SLC38A6: variants seen among roughly 807,000 people sequenced by gnomAD.
SLC38A6 encodes solute carrier family 38 member 6, also known as N system amino acid transporter NAT-1.
Under a neutral mutation model 65.0 loss-of-function variants are expected in SLC38A6, and 73 were observed. The ratio of observed to expected loss-of-function variants is 1.12; its 90% CI spans 0.93 to 1.37. The LOEUF (loss-of-function observed/expected upper bound fraction) is 1.37. SLC38A6 is among the 40% of genes most tolerant of loss of function. The pLI is 0.00. For synonymous variants in SLC38A6, 183 were observed against 178.8 expected, an observed-to-expected ratio of 1.02 and a Z score of -0.19; for missense variants, 561 against 531.1, an observed-to-expected ratio of 1.06 and a Z score of -0.55.
In SLC38A6 at chr14:61,009,301, T is replaced by C. The variant is rs376009797; in HGVS notation, c.311-6603T>C. ...GTCAGATAGCTAGAGGGTCATAAAT[T>C]AGTGACCAAAATTACATCAATCTGC... On this transcript the variant is annotated intron_variant, in intron 3 of 15. Transcript: ENST00000267488. 4.6e-5 allele frequency among the ~76,000 whole-genome samples: 7 copies of C among 152,254 alleles called. 1 individual carries two copies. The highest frequency in any genetic ancestry group is 1.7e-4 in the African/African-American group (7 of 41,542).
intron 15 of SLC38A6, among the ~76,000 whole-genome samples, chr14:61,067,703 A>G (rs1566728633): frequency 1.3e-5 from 2 of 151,698 alleles, no homozygotes; most frequent in African/African-American, 2.4e-5. Context: ...ATATACATGC[A>G]CACACACACA....
intron 3 of SLC38A6, among the ~76,000 whole-genome samples, chr14:60,992,308 CA>C (rs1365407034): frequency 6.6e-6 from 1 of 152,148 alleles, no homozygotes; most frequent in South Asian, 2.1e-4. Flanking sequence ...TTTAATGGCT[CA>C]AATGTGCTCC....
chr14:61,042,059 G>A (rs898220272), intron 8 of SLC38A6, among the ~76,000 whole-genome samples: 8 of 151,816 alleles, frequency 5.3e-5, no homozygotes, highest in African/African-American at 1.9e-4. Flanking sequence ...TAAGTTGACC[G>A]TTTCATTTTA....
rs556128399 is a variant in SLC38A6, at chr14:61,015,353, G to A, written c.311-551G>A. 1.2e-4 allele frequency among the ~76,000 whole-genome samples: 19 copies of A among 152,226 alleles called. No individual in the cohort carries two copies. In the South Asian group the frequency reaches 3.7e-3, roughly 30 times the overall value. ...CCCAGGTGAGGTGATGCCTCACCCT[G>A]CTTCGGCTCATGCTCGGTTCACTGC... On this transcript the variant is annotated intron_variant, in intron 3 of 15. Transcript: ENST00000267488.
At chr14:61,004,743 A>T (rs1404085527) in intron 3 of SLC38A6, 1 of 152,438 alleles carries the variant, frequency 6.6e-6, no homozygotes, top group Non-Finnish European at 1.5e-5. Context: ...TTCGCAGCCG[A>T]ATTCTACCAG....
At chr14:61,033,014 A>G (rs2041104616) in intron 6 of SLC38A6, among the ~76,000 whole-genome samples, 1 of 151,926 alleles carries the variant, frequency 6.6e-6, no homozygotes, top group Non-Finnish European at 1.5e-5. Context: ...AAGCTATAAT[A>G]CTTATACTGA....
At chr14:61,052,316 T>C in intron 15 of SLC38A6, 33 bp from the exon 16 acceptor site, 1 of 1,505,710 alleles carries the variant, frequency 6.6e-7, no homozygotes, top group South Asian at 1.3e-5. Context: ...CTTTTATCTT[T>C]CTTATCTTTT....
Position 61,069,455 on chromosome 14 carries a change from T to G in SLC38A6, c.1291-9355T>G, listed in dbSNP as rs2043149496. Among the ~76,000 whole-genome samples the G allele has an allele frequency of 2.0e-5, 3 of 152,088 alleles. No homozygotes were observed. In the South Asian group the frequency reaches 6.2e-4, roughly 32 times the overall value. On this transcript the variant is annotated intron_variant, in intron 15 of 16. Transcript: ENST00000354886. ...TATTTGAGCCCTTTCTTACGTATGTTCTACAATACCCTTAAACTGTTTTTT... is the reference window on the plus strand; with the variant it reads ...TATTTGAGCCCTTTCTTACGTATGTGCTACAATACCCTTAAACTGTTTTTT...
chr14:60,990,388 T>G (rs943654130), intron 3 of SLC38A6, among the ~76,000 whole-genome samples: 6 of 152,072 alleles, frequency 3.9e-5, no homozygotes, highest in Admixed American at 1.3e-4. Flanking sequence ...CCTGGAACTC[T>G]CCCCTGAATT....
At chr14:61,072,429 T>C (rs898285268) in intron 15 of SLC38A6, among the ~76,000 whole-genome samples, 1 of 152,196 alleles carries the variant, frequency 6.6e-6, no homozygotes, top group African/African-American at 2.4e-5. Context: ...AAGTAATTAT[T>C]GACTATAGTC....
intron 3 of SLC38A6, among the ~76,000 whole-genome samples, chr14:61,011,354 T>G (rs1195166941): frequency 6.6e-6 from 1 of 152,140 alleles, no homozygotes; most frequent in African/African-American, 2.4e-5. Flanking sequence ...CCTCTTTTCC[T>G]AATTGAATAC....
intron 15 of SLC38A6, among the ~76,000 whole-genome samples, chr14:61,063,282 T>A (rs1490738689): frequency 6.6e-6 from 1 of 152,180 alleles, no homozygotes; most frequent in Non-Finnish European, 1.5e-5. Context: ...AAAACTTTTA[T>A]AACTTTCCTC....
chr14:61,001,495 A>G (rs1239804520), intron 3 of SLC38A6, among the ~76,000 whole-genome samples: 4 of 152,170 alleles, frequency 2.6e-5, no homozygotes, highest in Non-Finnish European at 5.9e-5. Context: ...TTTTATTTTT[A>G]TCAAAAGTAA....
intron 3 of SLC38A6, among the ~76,000 whole-genome samples, chr14:60,995,141 G>A (rs901323760): frequency 6.6e-6 from 1 of 152,086 alleles, no homozygotes; most frequent in Non-Finnish European, 1.5e-5. Flanking sequence ...ATACCCAAAG[G>A]AAATGAAATT....
At chr14:61,006,667 A>G (rs2039145080) in intron 3 of SLC38A6, among the ~76,000 whole-genome samples, 1 of 152,252 alleles carries the variant, frequency 6.6e-6, no homozygotes, top group South Asian at 2.1e-4. Flanking sequence ...TTAAAAAGTC[A>G]GGAAACAACA....
At chr14:60,992,340 G>A (rs1290735325) in intron 3 of SLC38A6, among the ~76,000 whole-genome samples, 2 of 151,992 alleles carry the variant, frequency 1.3e-5, no homozygotes, top group East Asian at 1.9e-4. Flanking sequence ...CCGTACCTCC[G>A]TGAATGGTAC....
At chr14:61,033,007 C>G (rs1439340559) in intron 6 of SLC38A6, among the ~76,000 whole-genome samples, 2 of 151,830 alleles carry the variant, frequency 1.3e-5, no homozygotes, top group African/African-American at 4.8e-5. Flanking sequence ...AAGTCAGAAG[C>G]TATAATACTT....
At chr14:61,049,631 A>G (rs1421893907) in intron 12 of SLC38A6, among the ~76,000 whole-genome samples, 1 of 152,152 alleles carries the variant, frequency 6.6e-6, no homozygotes, top group African/African-American at 2.4e-5. Flanking sequence ...TATCATAGCT[A>G]TGTGTATTCA....
intron 3 of SLC38A6, 75 bp downstream of exon 3, chr14:60,984,878 T>C: frequency 1.5e-6 from 2 of 1,312,102 alleles, no homozygotes; most frequent in Non-Finnish European, 2.2e-6. Context: ...GAACTGGATG[T>C]CTCAAATCTA....
Sources: allele counts gnomAD v4.1 joint callset (sites outside exome capture counted in the v4.1 genomes callset), GRCh38; gene constraint gnomAD v4.1.1; transcripts MANE v1.5; gene names NCBI Gene and HGNC (gene_info 2026-07-23, HGNC 2026-07-21).